Variants in RARB observed in about 807,000 individuals in gnomAD.
RARB encodes retinoic acid receptor beta, also known as HBV-activated protein.
RARB carries 17 observed loss-of-function variants against 51.9 expected under a neutral mutation model. That is an observed-to-expected ratio of 0.33 (90% CI 0.22 to 0.49). RARB has a LOEUF of 0.49. Ranked by LOEUF, RARB falls within the 20% of genes least tolerant of loss-of-function variation. The probability of loss-of-function intolerance (pLI) is 0.99; values close to 1 mark genes in which losing one functional copy is unlikely to be tolerated. For synonymous variants in RARB, 215 were observed against 195.4 expected (o/e 1.10, Z -0.84); for missense variants, 369 against 550.8 (o/e 0.67, Z 3.30).
intron 2 of RARB, among the ~76,000 whole-genome samples, chr3:24,864,095 CCTT>C (rs2125344015): frequency 6.6e-6 from 1 of 152,328 alleles, no homozygotes; most frequent in South Asian, 2.1e-4. Flanking sequence ...GCTCCTCTAT[CCTT>C]CTTTTGCTGC....
chr3:25,285,819 C>T (rs1478067660), intron 5 of RARB, among the ~76,000 whole-genome samples: 1 of 152,134 alleles, frequency 6.6e-6, no homozygotes, highest in Non-Finnish European at 1.5e-5. Flanking sequence ...ACAATATGTT[C>T]CATTTTAGAC....
chr3:25,346,054 G>T (rs886895618), intron 5 of RARB: 2 of 195,526 alleles, frequency 1.0e-5, no homozygotes, highest in African/African-American at 4.7e-5. Context: ...TGCATCTGTG[G>T]TGGGTTAGTT....
intron 4 of RARB, among the ~76,000 whole-genome samples, chr3:25,152,480 A>T (rs750974515): frequency 1.3e-5 from 2 of 152,168 alleles, no homozygotes; most frequent in Non-Finnish European, 2.9e-5. Flanking sequence ...TCTTTTATTT[A>T]CAAAGAACTA....
chr3:24,981,295 C>A (rs928584012), intron 2 of RARB, among the ~76,000 whole-genome samples: 33 of 152,294 alleles, frequency 2.2e-4, no homozygotes, highest in African/African-American at 7.9e-4. Flanking sequence ...AACCACTGCT[C>A]TCTTCAGAGC....
chr3:25,123,808 C>G (rs190935226), intron 3 of RARB, among the ~76,000 whole-genome samples: 9 of 152,208 alleles, frequency 5.9e-5, no homozygotes, highest in African/African-American at 1.9e-4. Flanking sequence ...ATTGCTTTTT[C>G]CTCTCCCTCA....
intron 3 of RARB, among the ~76,000 whole-genome samples, chr3:25,088,047 T>C (rs1343529099): frequency 6.6e-6 from 1 of 151,900 alleles, no homozygotes; most frequent in East Asian, 1.9e-4. Context: ...GACAGCAGTT[T>C]TGCTAGCAAA....
chr3:25,293,679 A>G (rs1286006910), intron 5 of RARB, among the ~76,000 whole-genome samples: 2 of 148,952 alleles, frequency 1.3e-5, no homozygotes, highest in Non-Finnish European at 3.0e-5. Flanking sequence ...TAAAACCATC[A>G]TCACCTAGTA....
intron 2 of RARB, among the ~76,000 whole-genome samples, chr3:24,894,063 T>G (rs1703435522): frequency 6.6e-6 from 1 of 152,234 alleles, no homozygotes; most frequent in Non-Finnish European, 1.5e-5. Context: ...AGAAATTATT[T>G]CCTATACATT....
intron 2 of RARB, among the ~76,000 whole-genome samples, chr3:25,466,759 G>T (rs983133386): frequency 2.0e-5 from 3 of 152,192 alleles, no homozygotes; most frequent in Non-Finnish European, 2.9e-5. Flanking sequence ...TGAGGGCTAT[G>T]TGGTCTTTGC....
At chr3:25,078,664 TG>T (rs1472767804) in intron 3 of RARB, among the ~76,000 whole-genome samples, 2 of 152,046 alleles carry the variant, frequency 1.3e-5, no homozygotes, top group African/African-American at 4.8e-5. Context: ...ACCCAGTAGC[TG>T]GGATTACAGG....
At chr3:25,126,910 C>G (rs1699867966) in intron 3 of RARB, among the ~76,000 whole-genome samples, 1 of 152,056 alleles carries the variant, frequency 6.6e-6, no homozygotes, top group East Asian at 1.9e-4. Flanking sequence ...CCTTGATATT[C>G]CCTCTCCTTC....
At position 24,985,890 on chromosome 3, in the gene RARB, C is replaced by T. The variant is rs138194718; in HGVS notation, c.-379-74235C>T. The stretch of plus-strand genomic sequence containing the variant: ...ATCCTGCTGCAGTCCCAGTCCCAGA[C>T]GAACAGAAAGGACAGGACAGAACTG... On this transcript the variant is annotated intron_variant, in intron 2 of 11. Coordinates refer to the RARB transcript ENST00000383772. 3.3e-3 allele frequency among the ~76,000 whole-genome samples: 495 copies of T among 152,158 alleles called. 2 individuals are homozygous for T. Among genetic ancestry groups the T allele is most frequent in the African/African-American group, 0.01 (416 of 41,510 alleles).
chr3:25,122,014 C>G (rs1699792283), intron 3 of RARB, among the ~76,000 whole-genome samples: 1 of 152,142 alleles, frequency 6.6e-6, no homozygotes. Context: ...GTGACATTCT[C>G]TTATACTTCT....
chr3:25,501,365 C>G (rs1161778520), intron 3 of RARB, 42 bp downstream of exon 3: 1 of 1,597,734 alleles, frequency 6.3e-7, no homozygotes, highest in South Asian at 1.1e-5. Context: ...TTTTCCTTAT[C>G]TCTGTGATTT....
In RARB at chr3:24,882,465, A is replaced by G. The variant is rs140141794; in HGVS notation, c.-380+23713A>G. Among the ~76,000 whole-genome samples, 34 of 152,344 alleles carry G rather than the reference A, an allele frequency of 2.2e-4. No homozygotes were observed. The East Asian group carries it at 6.0e-3, about 27-fold the overall frequency. On this transcript the variant is annotated intron_variant, in intron 2 of 11. Transcript: ENST00000383772. The stretch of plus-strand genomic sequence containing the variant: ...TAGGCATAGGTGACACACAAATGCT[A>G]TATCATTTTATATCAGGAATGGAAC...
At chr3:24,906,579 A>G (rs1575065032) in intron 2 of RARB, among the ~76,000 whole-genome samples, 2 of 152,160 alleles carry the variant, frequency 1.3e-5, no homozygotes, top group Admixed American at 6.6e-5. Flanking sequence ...GTGGTGACTC[A>G]TGCCTGTAAT....
At chr3:25,595,511 C>T (rs2125328477) in intron 7 of RARB, among the ~76,000 whole-genome samples, 1 of 152,256 alleles carries the variant, frequency 6.6e-6, no homozygotes, top group East Asian at 1.9e-4. Context: ...CAGCAGATAC[C>T]AGTGTGGTTG....
intron 5 of RARB, among the ~76,000 whole-genome samples, chr3:25,364,642 G>A (rs1484408799): frequency 6.6e-6 from 1 of 152,222 alleles, no homozygotes; most frequent in African/African-American, 2.4e-5. Flanking sequence ...TGGAAGACTT[G>A]TTTGGGCTGT....
intron 1 of RARB, among the ~76,000 whole-genome samples, chr3:24,831,695 A>C (rs1702284939): frequency 6.6e-6 from 1 of 152,068 alleles, no homozygotes; most frequent in African/African-American, 2.4e-5. Context: ...AAAAAAAAAA[A>C]CTGTGGGGTT....
Sources: allele counts gnomAD v4.1 joint callset (sites outside exome capture counted in the v4.1 genomes callset), GRCh38; gene constraint gnomAD v4.1.1; transcripts MANE v1.5; gene names NCBI Gene and HGNC (gene_info 2026-07-23, HGNC 2026-07-21).